SNTG1: variants seen among roughly 807,000 people sequenced by gnomAD.
SNTG1 encodes gamma-1-syntrophin.
In SNTG1, 39 loss-of-function variants were observed where a neutral mutation model predicts 74.7. The observed-to-expected ratio is 0.52, with a 90% CI of 0.40 to 0.68. SNTG1 has a LOEUF of 0.68. SNTG1 is among the 30% of genes least tolerant of loss of function. The probability of loss-of-function intolerance (pLI) is 0.00; values close to 1 mark genes in which losing one functional copy is unlikely to be tolerated. For synonymous variants in SNTG1, 254 were observed against 217.1 expected, an observed-to-expected ratio of 1.17 and a Z score of -1.49; for missense variants, 685 against 609.5, an observed-to-expected ratio of 1.12 and a Z score of -1.30.
chr8:50,175,141 G>T (rs558032669), intron 2 of SNTG1, among the ~76,000 whole-genome samples: 1 of 151,902 alleles, frequency 6.6e-6, no homozygotes. Flanking sequence ...GTTCCAAGTC[G>T]TTGCTATCGT....
intron 15 of SNTG1, among the ~76,000 whole-genome samples, chr8:50,692,543 C>T (rs2095385917): frequency 6.6e-6 from 1 of 152,170 alleles, no homozygotes; most frequent in South Asian, 2.1e-4. Flanking sequence ...TGGGTTTCAG[C>T]AGCGGTGGCT....
chr8:50,280,665 T>A (rs976162263), intron 2 of SNTG1, among the ~76,000 whole-genome samples: 1 of 151,998 alleles, frequency 6.6e-6, no homozygotes, highest in African/African-American at 2.4e-5. Flanking sequence ...TGACTGGCAA[T>A]TGGTTGAAAG....
Position 50,120,528 on chromosome 8 carries a change from C to T in SNTG1, c.-102-52033C>T, listed in dbSNP as rs2080962448. Among the ~76,000 whole-genome samples the T allele has an allele frequency of 1.5e-5, 2 of 137,632 alleles. 1 individual carries two copies. Among genetic ancestry groups the T allele is most frequent in the Admixed American group, 1.5e-4 (2 of 13,368 alleles). 90.3% of individuals were successfully genotyped at this position (137,632 alleles called of 152,430 possible). A position where few individuals can be genotyped will look rare whatever the true frequency, so the allele number is the denominator to read the frequency against. On this transcript the variant is annotated intron_variant, in intron 1 of 18. Coordinates refer to ENST00000642720, the MANE Select transcript of SNTG1 (RefSeq NM_018967.5). ...ACTGCAATCACCAATACTGCCATCA[C>T]CAATACTGCTACCATGATAACTACT...
intron 2 of SNTG1, among the ~76,000 whole-genome samples, chr8:50,209,464 A>G (rs970176323): frequency 1.3e-5 from 2 of 151,990 alleles, no homozygotes; most frequent in African/African-American, 4.8e-5. Flanking sequence ...ACTGGGAGAC[A>G]CCTCCCAGTA....
At chr8:50,100,638 G>A (rs1410251139) in intron 1 of SNTG1, among the ~76,000 whole-genome samples, 1 of 152,032 alleles carries the variant, frequency 6.6e-6, no homozygotes, top group East Asian at 1.9e-4. Context: ...TTTGAGGTAA[G>A]GCTAAGTTAC....
At chr8:50,050,959 A>C (rs1274315954) in intron 1 of SNTG1, among the ~76,000 whole-genome samples, 2 of 152,030 alleles carry the variant, frequency 1.3e-5, no homozygotes, top group African/African-American at 4.8e-5. Flanking sequence ...TCATGATAAA[A>C]ATACCCAACA....
chr8:50,543,460 T>TTGC (rs1022533979), intron 11 of SNTG1, among the ~76,000 whole-genome samples: 8 of 146,964 alleles, frequency 5.4e-5, no homozygotes, highest in African/African-American at 2.2e-4. Context: ...GTTGTTGTTG[T>TTGC]TGCTGTTGTT....
At chr8:50,406,905 C>A (rs554958825) in intron 4 of SNTG1, among the ~76,000 whole-genome samples, 8 of 152,270 alleles carry the variant, frequency 5.3e-5, no homozygotes, top group African/African-American at 1.7e-4. Context: ...TCTTCTAGGT[C>A]TGCATCTGAG....
At chr8:50,381,423 G>A (rs1336651779) in intron 2 of SNTG1, among the ~76,000 whole-genome samples, 2 of 150,596 alleles carry the variant, frequency 1.3e-5, no homozygotes, top group Non-Finnish European at 3.0e-5. Flanking sequence ...AAGTAATATG[G>A]GAAGATGAAT....
intron 2 of SNTG1, among the ~76,000 whole-genome samples, chr8:50,229,034 A>G (rs948144794): frequency 6.6e-6 from 1 of 151,668 alleles, no homozygotes; most frequent in Non-Finnish European, 1.5e-5. Context: ...CAAGGTCCCT[A>G]TACAAGTAAA....
intron 2 of SNTG1, among the ~76,000 whole-genome samples, chr8:50,186,121 GT>G (rs2083374238): frequency 6.6e-6 from 1 of 152,102 alleles, no homozygotes; most frequent in South Asian, 2.1e-4. Context: ...TCCTGTGTTA[GT>G]TTGCTGAGGA....
In SNTG1 at chr8:50,092,354, G is replaced by T. The variant is rs114944605; in HGVS notation, c.-102-80207G>T. On this transcript the variant is annotated intron_variant, in intron 1 of 18. Coordinates refer to ENST00000642720, the MANE Select transcript of SNTG1 (RefSeq NM_018967.5). ...GAGCCACTGAGGCAGCTATCAAAAT[G>T]CTCTTCCAGTCTCTTCCTTTAGGAA... Among the ~76,000 whole-genome samples the T allele has an allele frequency of 7.7e-3, 1,169 of 152,286 alleles. 17 individuals carry two copies. Among genetic ancestry groups the T allele is most frequent in the African/African-American group, 0.027 (1,117 of 41,574 alleles).
chr8:50,399,838 A>G (rs77793562), intron 3 of SNTG1, among the ~76,000 whole-genome samples: 6,598 of 152,294 alleles, frequency 0.043, 223 homozygotes, highest in Middle Eastern at 0.15. Context: ...TGTCCTCTAG[A>G]TATATTCACT....
chr8:50,154,493 T>G (rs147882333), intron 1 of SNTG1, among the ~76,000 whole-genome samples: 1 of 152,134 alleles, frequency 6.6e-6, no homozygotes, highest in Non-Finnish European at 1.5e-5. Context: ...CAGTTGGAAG[T>G]GCAGAAATCA....
chr8:50,321,381 G>A (rs2090522750), intron 2 of SNTG1, among the ~76,000 whole-genome samples: 1 of 151,916 alleles, frequency 6.6e-6, no homozygotes, highest in Non-Finnish European at 1.5e-5. Flanking sequence ...AATTTGCATG[G>A]AACATATTTT....
At chr8:50,356,835 A>G (rs971553806) in intron 2 of SNTG1, among the ~76,000 whole-genome samples, 1 of 152,146 alleles carries the variant, frequency 6.6e-6, no homozygotes, top group African/African-American at 2.4e-5. Flanking sequence ...CTTTATCTTC[A>G]TAATGTAGAA....
rs201191234 is a variant in SNTG1, at chr8:50,276,336, A to T, written c.-28+103701A>T. ...ATTCTAAATTCGTCATCAGCATTCA[A>T]CTTAGGTTTTAGCACACATATATGT... is the stretch of plus-strand genomic sequence containing the variant. On this transcript the variant is annotated intron_variant, in intron 2 of 18. Coordinates refer to ENST00000642720, the MANE Select transcript of SNTG1 (RefSeq NM_018967.5). Among the ~76,000 whole-genome samples, 13 of 151,000 alleles carry T rather than the reference A, an allele frequency of 8.6e-5. No individual in the cohort carries two copies. The East Asian group carries it at 2.3e-3, about 27-fold the overall frequency.
intron 13 of SNTG1, among the ~76,000 whole-genome samples, chr8:50,649,986 CT>C (rs910627366): frequency 1.4e-4 from 20 of 146,984 alleles, no homozygotes; most frequent in African/African-American, 2.7e-4. Context: ...CATTTAATTT[CT>C]TTTTTTTTTC....
chr8:49,994,428 T>TTG (rs991516454), intron 1 of SNTG1, among the ~76,000 whole-genome samples: 3 of 150,136 alleles, frequency 2.0e-5, no homozygotes, highest in African/African-American at 4.9e-5. Flanking sequence ...GCTATTTTTT[T>TTG]TTTTTTTTGT....
Sources: gnomAD v4.1 joint callset for allele counts (sites outside exome capture counted in the v4.1 genomes callset) on GRCh38, gnomAD v4.1.1 for gene constraint, MANE v1.5 for transcripts, NCBI Gene and HGNC (gene_info 2026-07-23, HGNC 2026-07-21) for gene names.